The following CR1 variants were observed in gnomAD, a reference collection of about 807,000 sequenced individuals.
The protein encoded by CR1 is complement C3b/C4b receptor 1 (Knops blood group).
A neutral mutation model predicts 187.3 loss-of-function variants in CR1; 116 were observed. The ratio of observed to expected loss-of-function variants is 0.62; its 90% CI spans 0.53 to 0.72. The LOEUF (loss-of-function observed/expected upper bound fraction) is 0.72, where lower values mean the gene tolerates loss of function less well. CR1 is among the 30% of genes least tolerant of loss of function. The pLI, the probability that CR1 is intolerant of heterozygous loss-of-function variation, is 0.00. For synonymous variants in CR1, 576 were observed against 747.1 expected (o/e 0.77, Z 3.73); for missense variants, 1,731 against 2,110.7 (o/e 0.82, Z 3.52).
chr1:207,522,749 A>G (rs1253057074), intron 4 of CR1, among the ~76,000 whole-genome samples: 1 of 151,956 alleles, frequency 6.6e-6, no homozygotes, highest in Non-Finnish European at 1.5e-5. Flanking sequence ...AGCCTGAAAA[A>G]TTTTTATTTT....
intron 13 of CR1, among the ~76,000 whole-genome samples, chr1:207,544,692 C>T (rs961917706): frequency 2.0e-5 from 3 of 146,470 alleles, no homozygotes; most frequent in African/African-American, 8.1e-5. Flanking sequence ...TCGACAGTTT[C>T]CCACCTTCTC....
intron 34 of CR1, among the ~76,000 whole-genome samples, chr1:207,588,441 G>A (rs1485484284): frequency 6.6e-6 from 1 of 152,176 alleles, no homozygotes; most frequent in African/African-American, 2.4e-5. Context: ...AAAGTGCTAG[G>A]ATTACAGGCG....
At chr1:207,627,945 C>T (rs1662530610) in intron 45 of CR1, among the ~76,000 whole-genome samples, 1 of 152,120 alleles carries the variant, frequency 6.6e-6, no homozygotes, top group South Asian at 2.1e-4. Flanking sequence ...TCTAAGGGCA[C>T]TAGTCCCATT....
intron 46 of CR1, among the ~76,000 whole-genome samples, chr1:207,638,982 G>C (rs1662899418): frequency 6.6e-6 from 1 of 152,198 alleles, no homozygotes; most frequent in African/African-American, 2.4e-5. Flanking sequence ...TGAGGCACTT[G>C]GGACAGTGGG....
chr1:207,515,843 T>G (rs762036319), intron 4 of CR1, among the ~76,000 whole-genome samples: 1 of 152,188 alleles, frequency 6.6e-6, no homozygotes, highest in African/African-American at 2.4e-5. Flanking sequence ...TGATGTCTTT[T>G]GTTTATGAAA....
intron 1 of CR1, among the ~76,000 whole-genome samples, chr1:207,499,697 G>T (rs1392788060): frequency 6.6e-6 from 1 of 152,178 alleles, no homozygotes; most frequent in Non-Finnish European, 1.5e-5. Context: ...GCGCCCTCAC[G>T]TGGTCCTCAT....
chr1:207,572,487 T>G (rs1660608820), intron 27 of CR1, among the ~76,000 whole-genome samples: 1 of 151,960 alleles, frequency 6.6e-6, no homozygotes, highest in South Asian at 2.1e-4. Context: ...AATAAACCTT[T>G]TTTTAAAGTA....
intron 41 of CR1, among the ~76,000 whole-genome samples, chr1:207,617,567 A>C (rs56183224): frequency 1.6e-5 from 1 of 63,020 alleles, no homozygotes; most frequent in African/African-American, 4.8e-5. Context: ...GTGTATATAT[A>C]TGTGTGTGTG....
At chr1:207,577,278 C>T (rs1219325596) in intron 28 of CR1, among the ~76,000 whole-genome samples, 1 of 150,178 alleles carries the variant, frequency 6.7e-6, no homozygotes, top group Non-Finnish European at 1.5e-5. Flanking sequence ...AAAAAAAACA[C>T]ATGGACTCTA....
At chr1:207,587,700 A>G in intron 34 of CR1, 135 bp downstream of exon 34, 1 of 739,804 alleles carries the variant, frequency 1.4e-6, no homozygotes, top group Non-Finnish European at 2.1e-6. Context: ...GGAGTTCGCA[A>G]CCAGCCTGGG....
intron 35 of CR1, among the ~76,000 whole-genome samples, chr1:207,593,874 A>G (rs1007705122): frequency 2.6e-5 from 4 of 152,268 alleles, no homozygotes; most frequent in African/African-American, 9.6e-5. Context: ...ACTGGTCATT[A>G]GAGAAATGCA....
chr1:207,604,227 C>A (rs1344333505), intron 35 of CR1, among the ~76,000 whole-genome samples: 1 of 152,004 alleles, frequency 6.6e-6, no homozygotes, highest in Non-Finnish European at 1.5e-5. Flanking sequence ...TAATTCTTTA[C>A]CATTTTTCTA....
intron 46 of CR1, among the ~76,000 whole-genome samples, chr1:207,638,600 G>A (rs1387037053): frequency 3.9e-5 from 6 of 152,178 alleles, no homozygotes; most frequent in Non-Finnish European, 8.8e-5. Flanking sequence ...TTGGATCAGT[G>A]CTTCCAAACC....
chr1:207,574,724 A>G (rs895642277), intron 27 of CR1, among the ~76,000 whole-genome samples: 3 of 152,228 alleles, frequency 2.0e-5, no homozygotes, highest in South Asian at 2.1e-4. Context: ...CTGACTATAT[A>G]GAGTTTGACT....
chr1:207,620,337 G>A (rs530799635), intron 43 of CR1, among the ~76,000 whole-genome samples: 7 of 152,232 alleles, frequency 4.6e-5, no homozygotes, highest in South Asian at 2.1e-4. Context: ...TACAGCCTAC[G>A]AGCCTTACAA....
chr1:207,593,204 A>G (rs1661329300), intron 35 of CR1, among the ~76,000 whole-genome samples: 1 of 152,210 alleles, frequency 6.6e-6, no homozygotes, highest in African/African-American at 2.4e-5. Context: ...ATGACTTCAA[A>G]CTATACTATA....
intron 29 of CR1, among the ~76,000 whole-genome samples, chr1:207,579,994 A>G (rs1660884619): frequency 6.6e-6 from 1 of 152,210 alleles, no homozygotes; most frequent in Admixed American, 6.5e-5. Context: ...TAACAATGGT[A>G]CAAATCGGGA....
intron 43 of CR1, among the ~76,000 whole-genome samples, chr1:207,620,534 A>G (rs1403474180): frequency 6.6e-6 from 1 of 152,188 alleles, no homozygotes; most frequent in Non-Finnish European, 1.5e-5. Flanking sequence ...GTACTGTAAG[A>G]TAGAAAACTA....
At chr1:207,508,786 C>G (rs991186512) in intron 3 of CR1, among the ~76,000 whole-genome samples, 1 of 152,082 alleles carries the variant, frequency 6.6e-6, no homozygotes, top group African/African-American at 2.4e-5. Context: ...GATCACTACC[C>G]CTTTTCAGGG....
Sources: allele counts gnomAD v4.1 joint callset (sites outside exome capture counted in the v4.1 genomes callset), GRCh38; gene constraint gnomAD v4.1.1; transcripts MANE v1.5; gene names NCBI Gene and HGNC (gene_info 2026-07-23, HGNC 2026-07-21).